The following NDRG3 variants were observed in gnomAD, a reference collection of about 807,000 sequenced individuals.
NDRG3 encodes the protein protein NDRG3.
In NDRG3, 23 loss-of-function variants were observed where a neutral mutation model predicts 57.2. The observed-to-expected ratio is 0.40, with a 90% CI of 0.29 to 0.57. The LOEUF (loss-of-function observed/expected upper bound fraction) is 0.57. Ranked by LOEUF, NDRG3 falls within the 20% of genes least tolerant of loss-of-function variation. NDRG3 has a pLI of 0.42. For synonymous variants in NDRG3, 132 were observed against 162.6 expected (o/e 0.81, Z 1.43); for missense variants, 384 against 457.3 (o/e 0.84, Z 1.46).
chr20:36,678,578 G>A (rs1045168053), intron 8 of NDRG3, among the ~76,000 whole-genome samples: 2 of 152,204 alleles, frequency 1.3e-5, no homozygotes, highest in African/African-American at 4.8e-5. Context: ...CTACTCGGGA[G>A]GCTGAGGCTG....
At chr20:36,668,830 G>T (rs149110469) in intron 9 of NDRG3, among the ~76,000 whole-genome samples, 2 of 151,270 alleles carry the variant, frequency 1.3e-5, no homozygotes, top group African/African-American at 2.4e-5. Flanking sequence ...TATAGCGAGA[G>T]AAATATATAT....
intron 1 of NDRG3, among the ~76,000 whole-genome samples, chr20:36,726,509 C>T (rs571868491): frequency 6.6e-6 from 1 of 152,310 alleles, no homozygotes; most frequent in East Asian, 1.9e-4. Flanking sequence ...AGTTTTATAA[C>T]ATATACAAGA....
At chr20:36,680,357 G>A (rs1001853751) in intron 8 of NDRG3, among the ~76,000 whole-genome samples, 1 of 151,522 alleles carries the variant, frequency 6.6e-6, no homozygotes, top group Non-Finnish European at 1.5e-5. Context: ...CATGGTGGTG[G>A]GCACCTGTAA....
At chr20:36,712,744 C>A (rs944337292) in intron 2 of NDRG3, among the ~76,000 whole-genome samples, 20 of 150,824 alleles carry the variant, frequency 1.3e-4, no homozygotes, top group Non-Finnish European at 2.1e-4. Context: ...TACAGGCACA[C>A]GCCACCATAA....
chr20:36,721,640 G>C (rs1984598896), intron 2 of NDRG3, 39 bp downstream of exon 2: 1 of 1,234,330 alleles, frequency 8.1e-7, no homozygotes, highest in African/African-American at 1.5e-5. Context: ...CAGAAGAAAA[G>C]GCTTGTCCAT....
intron 3 of NDRG3, among the ~76,000 whole-genome samples, chr20:36,693,106 ATATATATATATATATATAT>A (rs1472693455): frequency 6.1e-5 from 1 of 16,264 alleles, no homozygotes; most frequent in African/African-American, 3.7e-4. Flanking sequence ...AAAAAAAAAA[ATATATATATATATATATAT>A]ATATATATAT....
chr20:36,661,221 T>C (rs1979176474), intron 12 of NDRG3, among the ~76,000 whole-genome samples: 1 of 147,118 alleles, frequency 6.8e-6, no homozygotes, highest in African/African-American at 2.7e-5. Context: ...AAAGTTGAAC[T>C]CTTCTCATTT....
intron 1 of NDRG3, among the ~76,000 whole-genome samples, 198 bp downstream of exon 1, chr20:36,745,847 A>G (rs1244960876): frequency 6.9e-6 from 1 of 145,666 alleles, no homozygotes; most frequent in Non-Finnish European, 1.5e-5. Flanking sequence ...CGGCCGAGGA[A>G]AGCCGGGCTG....
chr20:36,743,924 G>C (rs1257018571), intron 1 of NDRG3, among the ~76,000 whole-genome samples: 4 of 27,062 alleles, frequency 1.5e-4, no homozygotes, highest in Non-Finnish European at 2.7e-4. Flanking sequence ...TTTTTTTTTT[G>C]AGACGGAGCT....
At chr20:36,686,134 A>G (rs1981769196) in intron 5 of NDRG3, among the ~76,000 whole-genome samples, 1 of 152,228 alleles carries the variant, frequency 6.6e-6, no homozygotes, top group Non-Finnish European at 1.5e-5. Flanking sequence ...CTGAACACTT[A>G]AGGGGATGGT....
chr20:36,723,789 C>T (rs1482286965), intron 1 of NDRG3, among the ~76,000 whole-genome samples: 1 of 151,666 alleles, frequency 6.6e-6, no homozygotes, highest in Non-Finnish European at 1.5e-5. Flanking sequence ...TCACTGGAAC[C>T]TCCGCCTCCT....
intron 13 of NDRG3, among the ~76,000 whole-genome samples, chr20:36,659,994 G>A (rs1035865760): frequency 6.6e-6 from 1 of 151,750 alleles, no homozygotes; most frequent in Non-Finnish European, 1.5e-5. Context: ...GGATCACGAG[G>A]ACAGGAGATC....
intron 2 of NDRG3, 59 bp downstream of exon 2, chr20:36,721,620 G>A: frequency 1.0e-6 from 1 of 991,892 alleles, no homozygotes; most frequent in Non-Finnish European, 1.6e-6. Flanking sequence ...TACAGAAAAT[G>A]AAATACTATC....
In NDRG3 at chr20:36,654,029, TA is replaced by T. The variant is rs1655034377; in HGVS notation, c.947-329del. On this transcript the variant is annotated intron_variant, in intron 15 of 15. Transcript: ENST00000349004. The stretch of plus-strand genomic sequence containing the variant: ...TGGAGGCTTTGGGAACCCAAACAGG[TA>T]ACCAAAACCTACAGTGCATGCAAGA... Among the ~76,000 whole-genome samples the T allele has an allele frequency of 1.3e-5, 2 of 152,100 alleles. 1 individual carries two copies. The highest frequency in any genetic ancestry group is 4.1e-4 in the South Asian group (2 of 4,822).
chr20:36,687,473 G>T lies in NDRG3; in HGVS notation c.320+19C>A, dbSNP rs1193178721. On this transcript the variant is annotated intron_variant, in intron 5 of 15. Transcript: ENST00000349004. ...TCTACTGAGTGCACGTCTCCCAGAT[G>T]ATCTTTTCGTGGCCTTACCCTGTTG... 8 of 1,610,678 alleles carry T rather than the reference G, an allele frequency of 5.0e-6. No individual in the cohort carries two copies. Among genetic ancestry groups the T allele is most frequent in the South Asian group, 1.1e-5 (1 of 90,674 alleles).
intron 2 of NDRG3, among the ~76,000 whole-genome samples, chr20:36,719,720 C>T (rs1984485706): frequency 7.1e-6 from 1 of 140,976 alleles, no homozygotes; most frequent in Non-Finnish European, 1.5e-5. Flanking sequence ...ACTCCGTCAA[C>T]ACTCCCTCAG....
intron 2 of NDRG3, among the ~76,000 whole-genome samples, chr20:36,715,886 T>C (rs191459047): frequency 7.2e-5 from 11 of 152,034 alleles, no homozygotes; most frequent in Non-Finnish European, 1.3e-4. Flanking sequence ...CCCAGCACTT[T>C]GGGAGGCCGA....
At chr20:36,670,703 T>C (rs1442960147) in intron 9 of NDRG3, among the ~76,000 whole-genome samples, 1 of 152,208 alleles carries the variant, frequency 6.6e-6, no homozygotes, top group Non-Finnish European at 1.5e-5. Context: ...ACATTTAAAA[T>C]TAAGCAGAAA....
chr20:36,682,092 C>T (rs371169767), intron 7 of NDRG3, among the ~76,000 whole-genome samples: 1 of 152,138 alleles, frequency 6.6e-6, no homozygotes, highest in Non-Finnish European at 1.5e-5. Flanking sequence ...ATAAAAATTT[C>T]ACATTATCTT....
Sources: allele counts gnomAD v4.1 joint callset (sites outside exome capture counted in the v4.1 genomes callset), GRCh38; gene constraint gnomAD v4.1.1; transcripts MANE v1.5; gene names NCBI Gene and HGNC (gene_info 2026-07-23, HGNC 2026-07-21).